AXL: variants seen among roughly 807,000 people sequenced by gnomAD.
The protein encoded by AXL is AXL receptor tyrosine kinase.
A neutral mutation model predicts 104.5 loss-of-function variants in AXL; 52 were observed. That is an observed-to-expected ratio of 0.50 (90% CI 0.40 to 0.63). The LOEUF is 0.63. Ranked by LOEUF, AXL falls within the 20% of genes least tolerant of loss-of-function variation. The probability of loss-of-function intolerance (pLI) is 0.00; values close to 1 mark genes in which losing one functional copy is unlikely to be tolerated. For missense variants in AXL, 1,024 were observed against 1,188.5 expected, an observed-to-expected ratio of 0.86 and a Z score of 2.04; for synonymous variants, 455 against 473.7, an observed-to-expected ratio of 0.96 and a Z score of 0.51.
At chr19:41,229,182 C>T (rs1293499924) in intron 4 of AXL, among the ~76,000 whole-genome samples, 3 of 152,060 alleles carry the variant, frequency 2.0e-5, no homozygotes, top group Non-Finnish European at 4.4e-5. Context: ...AACTTCGGAC[C>T]TCAGGTGATC....
At chr19:41,242,662 C>T (rs1450136865) in intron 10 of AXL, among the ~76,000 whole-genome samples, 1 of 152,146 alleles carries the variant, frequency 6.6e-6, no homozygotes, top group Non-Finnish European at 1.5e-5. Flanking sequence ...CATCCTACAA[C>T]TTTCACACAC....
intron 12 of AXL, among the ~76,000 whole-genome samples, chr19:41,248,042 C>T (rs1354724421): frequency 6.6e-6 from 1 of 151,802 alleles, no homozygotes; most frequent in East Asian, 1.9e-4. Flanking sequence ...CCTGCCTCAG[C>T]CTCCCCAGTA....
chr19:41,260,394 C>A lies in AXL; in HGVS notation c.*490C>A, dbSNP rs1191920400. On this transcript the variant is annotated 3_prime_UTR_variant, in exon 20 of 20. Coordinates refer to ENST00000301178, the MANE Select transcript of AXL (RefSeq NM_021913.5). ...TGGTGCAATCTCGCCTCACTGCAAC[C>A]TTCACCTACCGAGTTCAAGTGATTT... The A allele has an allele frequency of 1.3e-5, 2 of 156,378 alleles. No homozygotes were observed. Among genetic ancestry groups the A allele is most frequent in the Non-Finnish European group, 2.7e-5 (2 of 73,928 alleles). 9.7% of individuals were successfully genotyped at this position (156,378 alleles called of 1,614,324 possible). A position where few individuals can be genotyped will look rare whatever the true frequency, so the allele number is the denominator to read the frequency against.
At chr19:41,225,493 C>T (rs1242978773) in intron 4 of AXL, among the ~76,000 whole-genome samples, 2 of 152,116 alleles carry the variant, frequency 1.3e-5, no homozygotes, top group African/African-American at 2.4e-5. Flanking sequence ...ACTCCATGTA[C>T]GCTGTTACGT....
intron 6 of AXL, among the ~76,000 whole-genome samples, chr19:41,233,241 C>T (rs964372934): frequency 6.6e-6 from 1 of 151,970 alleles, no homozygotes; most frequent in South Asian, 2.1e-4. Context: ...CCGCCCACCT[C>T]GGCCTCCCAA....
chr19:41,234,256 G>T (rs1192231891), intron 6 of AXL, among the ~76,000 whole-genome samples: 2 of 152,098 alleles, frequency 1.3e-5, no homozygotes, highest in African/African-American at 4.8e-5. Flanking sequence ...CCATAGGGTG[G>T]TAGTGCGAAG....
intron 7 of AXL, 81 bp from the exon 8 acceptor site, chr19:41,238,389 C>A: frequency 6.4e-7 from 1 of 1,567,618 alleles, no homozygotes; most frequent in Non-Finnish European, 8.7e-7. Context: ...GCCCTTGGCA[C>A]CCTGCACCCA....
At chr19:41,256,367 G>T in intron 17 of AXL, 85 bp from the exon 18 acceptor site, 4 of 1,496,358 alleles carry the variant, frequency 2.7e-6, no homozygotes, top group East Asian at 2.3e-5. Context: ...AGGGGAGGAG[G>T]TGCAGATGTG....
At chr19:41,248,391 A>C in intron 12 of AXL, 123 bp from the exon 13 acceptor site, 1 of 976,486 alleles carries the variant, frequency 1.0e-6, no homozygotes, top group Middle Eastern at 3.2e-4. Context: ...GGCAGTTGCT[A>C]ATTTTAAATC....
At chr19:41,250,881 C>T (rs534746138) in intron 14 of AXL, among the ~76,000 whole-genome samples, 1 of 152,236 alleles carries the variant, frequency 6.6e-6, no homozygotes, top group South Asian at 2.1e-4. Flanking sequence ...ATAGTCTTGG[C>T]CTGGGTCTGA....
intron 4 of AXL, among the ~76,000 whole-genome samples, chr19:41,225,355 G>A (rs1216517331): frequency 6.6e-6 from 1 of 152,158 alleles, no homozygotes; most frequent in Non-Finnish European, 1.5e-5. Context: ...AAACCTGGGC[G>A]CATCCAGCTC....
intron 6 of AXL, 78 bp from the exon 7 acceptor site, chr19:41,237,866 C>G (rs2034107110): frequency 7.2e-7 from 1 of 1,389,482 alleles, no homozygotes; most frequent in Non-Finnish European, 1.0e-6. Flanking sequence ...TCACACCAGA[C>G]CACCACCACT....
chr19:41,239,571 T>C, intron 9 of AXL, 123 bp from the exon 10 acceptor site: 1 of 1,267,800 alleles, frequency 7.9e-7, no homozygotes, highest in South Asian at 1.4e-5. Context: ...TGCCAAACCT[T>C]CACTCCCTTA....
chr19:41,230,371 A>G (rs1348831601), intron 4 of AXL, among the ~76,000 whole-genome samples: 2 of 138,448 alleles, frequency 1.4e-5, no homozygotes, highest in Non-Finnish European at 3.1e-5. Flanking sequence ...GTCTGAGCAT[A>G]TGTGTCTATG....
intron 4 of AXL, among the ~76,000 whole-genome samples, chr19:41,224,367 CT>C (rs1441721322): frequency 6.6e-6 from 1 of 151,860 alleles, no homozygotes; most frequent in Non-Finnish European, 1.5e-5. Context: ...TTCTTACCAC[CT>C]TTTTTCCCCC....
At chr19:41,225,976 G>T (rs372850676) in intron 4 of AXL, among the ~76,000 whole-genome samples, 2 of 152,198 alleles carry the variant, frequency 1.3e-5, no homozygotes, top group East Asian at 1.9e-4. Flanking sequence ...CAGGGGTTGT[G>T]GGGGGATGGT....
At chr19:41,222,192 CCT>C (rs2033803533) in intron 4 of AXL, 136 bp downstream of exon 4, 1 of 1,002,738 alleles carries the variant, frequency 1.0e-6, no homozygotes, top group Non-Finnish European at 1.4e-6. Context: ...CTCGTTTCTC[CCT>C]CTGAGTCTGT....
chr19:41,221,302 T>C, intron 3 of AXL, 56 bp downstream of exon 3: 1 of 1,519,278 alleles, frequency 6.6e-7, no homozygotes, highest in Non-Finnish European at 9.0e-7. Flanking sequence ...CGCTCATAGG[T>C]TGTGGGAAGT....
At chr19:41,252,717 C>T in intron 15 of AXL, 129 bp from the exon 16 acceptor site, 1 of 1,501,764 alleles carries the variant, frequency 6.7e-7, no homozygotes, top group South Asian at 1.3e-5. Context: ...TTGCCACTGC[C>T]ACTACCCCCA....
Sources: gnomAD v4.1 joint callset for allele counts (sites outside exome capture counted in the v4.1 genomes callset) on GRCh38, gnomAD v4.1.1 for gene constraint, MANE v1.5 for transcripts, NCBI Gene and HGNC (gene_info 2026-07-23, HGNC 2026-07-21) for gene names.